Variants in TDRD3 observed in about 807,000 individuals in gnomAD.
TDRD3 encodes tudor domain-containing protein 3.
In TDRD3, 45 loss-of-function variants were observed where a neutral mutation model predicts 86.7. The ratio of observed to expected loss-of-function variants is 0.52; its 90% CI spans 0.41 to 0.67. TDRD3 has a LOEUF of 0.67. Among genes scored for constraint, TDRD3 ranks in the 30% least tolerant of loss-of-function variants. The probability of loss-of-function intolerance (pLI) is 0.00; values close to 1 mark genes in which losing one functional copy is unlikely to be tolerated. For synonymous variants in TDRD3, 298 were observed against 301.7 expected, an observed-to-expected ratio of 0.99 and a Z score of 0.13; for missense variants, 814 against 889.0, an observed-to-expected ratio of 0.92 and a Z score of 1.07.
intron 3 of TDRD3, among the ~76,000 whole-genome samples, chr13:60,459,748 G>A (rs1452982361): frequency 6.6e-6 from 1 of 152,182 alleles, no homozygotes; most frequent in African/African-American, 2.4e-5. Context: ...AGCCTCCCAA[G>A]TAGCTGGGAT....
chr13:60,422,515 G>T (rs1220882843), intron 1 of TDRD3, among the ~76,000 whole-genome samples: 1 of 152,050 alleles, frequency 6.6e-6, no homozygotes, highest in African/African-American at 2.4e-5. Context: ...TTACTCCAAC[G>T]AGCATTTGGA....
rs371307313 is a variant in TDRD3, at chr13:60,448,311, G to T, written c.192+3563G>T. On this transcript the variant is annotated intron_variant, in intron 3 of 13. Coordinates refer to ENST00000377881, the MANE Select transcript of TDRD3 (RefSeq NM_001146070.2). ...CATCAGAGGCCTTCAGAAAGGCGTC[G>T]TCCTGAAGCTTTGAAACTGAAGTCT... Among the ~76,000 whole-genome samples, 18 of 152,204 alleles carry T rather than the reference G, an allele frequency of 1.2e-4. 1 individual carries two copies. The East Asian group carries it at 3.5e-3, about 29-fold the overall frequency.
At chr13:60,557,337 C>CATA (rs1369006228) in intron 12 of TDRD3, among the ~76,000 whole-genome samples, 1 of 152,056 alleles carries the variant, frequency 6.6e-6, no homozygotes, top group African/African-American at 2.4e-5. Flanking sequence ...TTGCAAGAGG[C>CATA]AGAGCCACCA....
chr13:60,483,448 A>G (rs997704987), intron 5 of TDRD3, among the ~76,000 whole-genome samples: 1 of 152,238 alleles, frequency 6.6e-6, no homozygotes, highest in Admixed American at 6.5e-5. Flanking sequence ...TATGCTTTAA[A>G]ATGGAATTCT....
intron 1 of TDRD3, among the ~76,000 whole-genome samples, chr13:60,426,569 A>G (rs1954815201): frequency 6.6e-6 from 1 of 152,174 alleles, no homozygotes; most frequent in African/African-American, 2.4e-5. Flanking sequence ...GTCATGAGAC[A>G]CTTTGCAAAT....
At chr13:60,556,947 G>A (rs1958200612) in intron 12 of TDRD3, among the ~76,000 whole-genome samples, 1 of 152,214 alleles carries the variant, frequency 6.6e-6, no homozygotes, top group Non-Finnish European at 1.5e-5. Context: ...GCTGACGCCT[G>A]TAATCCCAAC....
At chr13:60,440,952 T>G (rs1566193256) in intron 2 of TDRD3, among the ~76,000 whole-genome samples, 1 of 152,172 alleles carries the variant, frequency 6.6e-6, no homozygotes, top group Non-Finnish European at 1.5e-5. Context: ...TTTATATTTA[T>G]AGAATTAAAC....
At chr13:60,508,355 G>A (rs887439133) in intron 8 of TDRD3, among the ~76,000 whole-genome samples, 6 of 151,960 alleles carry the variant, frequency 3.9e-5, no homozygotes, top group Non-Finnish European at 5.9e-5. Context: ...ATCATGCTAC[G>A]TGACTTCAAA....
chr13:60,573,121 A>G (rs1044549778), intron 13 of TDRD3, among the ~76,000 whole-genome samples: 1 of 152,184 alleles, frequency 6.6e-6, no homozygotes, highest in Non-Finnish European at 1.5e-5. Context: ...GTCACCACCC[A>G]AAGTGGTTTT....
At chr13:60,478,142 A>G (rs1348223487) in intron 5 of TDRD3, among the ~76,000 whole-genome samples, 1 of 151,580 alleles carries the variant, frequency 6.6e-6, no homozygotes, top group Non-Finnish European at 1.5e-5. Flanking sequence ...TTTCCTCTAG[A>G]TTTTCTAGTC....
intron 5 of TDRD3, among the ~76,000 whole-genome samples, chr13:60,471,981 T>A (rs1956084000): frequency 6.8e-6 from 1 of 147,284 alleles, no homozygotes; most frequent in African/African-American, 2.6e-5. Flanking sequence ...TCCTTCACTA[T>A]TGAATATGAT....
upstream of TDRD3, chr13:60,397,110 G>A (rs2137772277): frequency 2.7e-6 from 1 of 367,770 alleles, no homozygotes; most frequent in South Asian, 1.2e-4. Context: ...GCCGGTGTTT[G>A]GTGGATCAGG....
At chr13:60,421,193 T>TA (rs147032881) in intron 1 of TDRD3, among the ~76,000 whole-genome samples, 29,317 of 150,774 alleles carry the variant, frequency 0.19, 3,484 homozygotes, top group South Asian at 0.29. Context: ...GGGTAATTAA[T>TA]AAAAAAAAAG....
intron 8 of TDRD3, among the ~76,000 whole-genome samples, chr13:60,507,697 A>G (rs1956968985): frequency 6.6e-6 from 1 of 152,122 alleles, no homozygotes; most frequent in African/African-American, 2.4e-5. Context: ...CAATTTGTAG[A>G]GGGAAAGACT....
chr13:60,564,938 A>G (rs1483983133), intron 12 of TDRD3, among the ~76,000 whole-genome samples: 3 of 151,854 alleles, frequency 2.0e-5, no homozygotes, highest in African/African-American at 7.3e-5. Flanking sequence ...GTTATGGGTA[A>G]CCAGATTTGC....
chr13:60,497,377 A>G (rs531492582), intron 8 of TDRD3, among the ~76,000 whole-genome samples: 2 of 152,216 alleles, frequency 1.3e-5, no homozygotes, highest in African/African-American at 2.4e-5. Context: ...CAGGTGATAG[A>G]TGATTGGCTA....
At chr13:60,549,442 T>C (rs1020149159) in intron 12 of TDRD3, among the ~76,000 whole-genome samples, 1 of 152,118 alleles carries the variant, frequency 6.6e-6, no homozygotes, top group Non-Finnish European at 1.5e-5. Context: ...TGGTTTTAGC[T>C]TCTGCTGGTA....
At chr13:60,502,075 A>G (rs1236014676) in intron 8 of TDRD3, among the ~76,000 whole-genome samples, 1 of 152,202 alleles carries the variant, frequency 6.6e-6, no homozygotes, top group African/African-American at 2.4e-5. Flanking sequence ...ATTTCCATCT[A>G]AAATTTTACT....
intron 8 of TDRD3, chr13:60,509,470 C>T: frequency 4.3e-6 from 1 of 232,654 alleles, no homozygotes; most frequent in South Asian, 9.2e-5. Flanking sequence ...TTTCTCCTCA[C>T]TGTCTATATT....
Sources: allele counts gnomAD v4.1 joint callset (sites outside exome capture counted in the v4.1 genomes callset), GRCh38; gene constraint gnomAD v4.1.1; transcripts MANE v1.5; gene names NCBI Gene and HGNC (gene_info 2026-07-23, HGNC 2026-07-21).